Variants in PIK3CA observed in about 807,000 individuals in gnomAD.
PIK3CA encodes the protein phosphatidylinositol-4,5-bisphosphate 3-kinase catalytic subunit alpha, also known as phosphatidylinositol 4,5-bisphosphate 3-kinase catalytic subunit alpha isoform.
A neutral mutation model predicts 138.2 loss-of-function variants in PIK3CA; 27 were observed. The observed-to-expected ratio is 0.20, with a 90% CI of 0.14 to 0.27. The LOEUF (loss-of-function observed/expected upper bound fraction) is 0.27, where lower values mean the gene tolerates loss of function less well. Among genes scored for constraint, PIK3CA ranks in the 10% least tolerant of loss-of-function variants. The pLI is 1.00. For missense variants in PIK3CA, 544 were observed against 1,277.4 expected (o/e 0.43, Z 8.75); for synonymous variants, 358 against 413.2 (o/e 0.87, Z 1.62).
In PIK3CA at chr3:179,221,025, C is replaced by A. The variant is rs2108413342; in HGVS notation, c.2055C>A (p.Gly685=). The A allele has an allele frequency of 6.2e-7, 1 of 1,612,886 alleles. No individual in the cohort carries two copies. Among genetic ancestry groups the A allele is most frequent in the Non-Finnish European group, 8.5e-7 (1 of 1,179,284 alleles). The change falls in exon 14 of 21, where the codon GGC becomes GGA. Residue 685 remains glycine (G), a synonymous_variant. Coordinates refer to ENST00000263967, the MANE Select transcript of PIK3CA (RefSeq NM_006218.4). ...ATAAAACAGTTAGCCAGAGGTTTGGCCTGCTTTTGGAGTCCTATTGTCGTG... is the reference window on the plus strand; with the variant it reads ...ATAAAACAGTTAGCCAGAGGTTTGGACTGCTTTTGGAGTCCTATTGTCGTG... The part of the protein sequence containing the change: ...MHNKTVSQRF[G]LLLESYCRAC...
intron 9 of PIK3CA, among the ~76,000 whole-genome samples, chr3:179,215,034 G>T (rs1439225839): frequency 3.9e-5 from 6 of 152,072 alleles, no homozygotes; most frequent in Non-Finnish European, 7.4e-5. Context: ...CTTTGGCTTT[G>T]TTGGCTATAG....
At chr3:179,194,377 C>T (rs990530963) in intron 1 of PIK3CA, among the ~76,000 whole-genome samples, 1 of 152,116 alleles carries the variant, frequency 6.6e-6, no homozygotes, top group African/African-American at 2.4e-5. Flanking sequence ...GCATGTGCCA[C>T]CACACCTAGC....
chr3:179,150,278 T>C (rs1722983063), intron 1 of PIK3CA, among the ~76,000 whole-genome samples: 1 of 152,104 alleles, frequency 6.6e-6, no homozygotes, highest in South Asian at 2.1e-4. Flanking sequence ...AAAAGTTTCT[T>C]GTGCTTTTTC....
intron 14 of PIK3CA, among the ~76,000 whole-genome samples, chr3:179,222,421 A>G (rs951730482): frequency 6.6e-6 from 1 of 152,162 alleles, no homozygotes; most frequent in East Asian, 1.9e-4. Context: ...AATTTATTGT[A>G]TTTATATATT....
At chr3:179,233,814 C>A (rs1268028988) in intron 20 of PIK3CA, among the ~76,000 whole-genome samples, 1 of 152,084 alleles carries the variant, frequency 6.6e-6, no homozygotes, top group Non-Finnish European at 1.5e-5. Context: ...TAGTATGAAC[C>A]AATTCATACA....
chr3:179,214,690 C>G (rs1367687245), intron 9 of PIK3CA, among the ~76,000 whole-genome samples: 1 of 151,958 alleles, frequency 6.6e-6, no homozygotes, highest in Non-Finnish European at 1.5e-5. Context: ...CACCACAAAC[C>G]TTCAGTTTGT....
At position 179,230,507 on chromosome 3, in the gene PIK3CA, C is replaced by T. The variant is rs1476721823; in HGVS notation, c.2936+131C>T. On this transcript the variant is annotated intron_variant, in intron 20 of 20. Coordinates refer to ENST00000263967, the MANE Select transcript of PIK3CA (RefSeq NM_006218.4). This position sits in a 1 kb window ranked among gnomAD's most constrained non-coding sequence, Gnocchi z 5.4. Reference sequence around the variant, plus strand: ...TGGTGGTTCATGCCTGTAATCCCAACTCTTTGGGAGGCCGAGGCTGGAGGA... The same window carrying T: ...TGGTGGTTCATGCCTGTAATCCCAATTCTTTGGGAGGCCGAGGCTGGAGGA... 6.7e-6 allele frequency: 5 copies of T among 741,970 alleles called. No homozygotes were observed. Among genetic ancestry groups the T allele is most frequent in the Non-Finnish European group, 8.6e-6 (4 of 463,670 alleles). 46.0% of individuals were successfully genotyped at this position (741,970 alleles called of 1,614,324 possible).
At chr3:179,213,255 T>C (rs953455148) in intron 9 of PIK3CA, among the ~76,000 whole-genome samples, 5 of 152,174 alleles carry the variant, frequency 3.3e-5, no homozygotes, top group African/African-American at 9.7e-5. Context: ...GAAATCACAA[T>C]AGAGTCACAA....
chr3:179,178,122 T>G (rs1487716548), intron 1 of PIK3CA, among the ~76,000 whole-genome samples: 18 of 88,824 alleles, frequency 2.0e-4, no homozygotes, highest in Admixed American at 1.6e-3. Flanking sequence ...TTTTTGTGTT[T>G]TTTTTTTTTT....
chr3:179,163,963 C>G lies in PIK3CA; in HGVS notation c.-77+15360C>G, dbSNP rs1723350719. Among the ~76,000 whole-genome samples the G allele has an allele frequency of 2.0e-5, 3 of 152,102 alleles. No homozygotes were observed. In the South Asian group the frequency reaches 6.2e-4, roughly 32 times the overall value. On this transcript the variant is annotated intron_variant, in intron 1 of 20. Coordinates refer to ENST00000263967, the MANE Select transcript of PIK3CA (RefSeq NM_006218.4). ...CTTTAAAATCAACATACAGTTTGAC[C>G]CAATAATTCTCTTTGCAGCATTAGA...
intron 9 of PIK3CA, among the ~76,000 whole-genome samples, chr3:179,213,254 A>G (rs1724760902): frequency 6.6e-6 from 1 of 152,190 alleles, no homozygotes; most frequent in African/African-American, 2.4e-5. Flanking sequence ...AGAAATCACA[A>G]TAGAGTCACA....
chr3:179,150,013 G>GT (rs138116887), intron 1 of PIK3CA, among the ~76,000 whole-genome samples: 16,373 of 149,760 alleles, frequency 0.11, 1,423 homozygotes, highest in African/African-American at 0.24. Flanking sequence ...TAAGTTTTTG[G>GT]TGTTTTTTTT....
At chr3:179,150,066 G>A (rs1294769130) in intron 1 of PIK3CA, among the ~76,000 whole-genome samples, 1 of 150,156 alleles carries the variant, frequency 6.7e-6, no homozygotes, top group African/African-American at 2.5e-5. Flanking sequence ...TGACAGCATA[G>A]ATCTCCATCT....
At chr3:179,185,069 C>G (rs1723942897) in intron 1 of PIK3CA, among the ~76,000 whole-genome samples, 1 of 152,084 alleles carries the variant, frequency 6.6e-6, no homozygotes, top group African/African-American at 2.4e-5. Context: ...CAACTGTTTT[C>G]CAAGAAGTTA....
At chr3:179,175,816 A>G (rs1413635270) in intron 1 of PIK3CA, among the ~76,000 whole-genome samples, 1 of 150,578 alleles carries the variant, frequency 6.6e-6, no homozygotes, top group Non-Finnish European at 1.5e-5. Context: ...CTGTCCCATC[A>G]TTCTCTGTTT....
At position 179,219,654 on chromosome 3, in the gene PIK3CA, G is replaced by A. The variant is rs2108410930; in HGVS notation, c.1830G>A (p.Met610Ile). 1 of 1,611,362 alleles carries A rather than the reference G, an allele frequency of 6.2e-7. No individual in the cohort carries two copies. The highest frequency in any genetic ancestry group is 1.7e-4 in the Middle Eastern group (1 of 6,044). Reference protein sequence around the residue: ...ELLDCNYPDPMVRGFAVRCLE... With the variant: ...ELLDCNYPDPIVRGFAVRCLE... The stretch of plus-strand genomic sequence containing the variant: ...TGGACTGTAATTACCCAGATCCTAT[G>A]GTTCGAGGTTTTGCTGTTCGGTGCT... Residue 610 changes from methionine (M) to isoleucine (I), a missense_variant, in exon 12 of 21, where the codon ATG becomes ATA. Coordinates refer to ENST00000263967, the MANE Select transcript of PIK3CA (RefSeq NM_006218.4). The surrounding 1 kb of genome is among the most constrained non-coding windows in gnomAD (Gnocchi z 4.2).
At chr3:179,172,261 T>TG (rs1723578050) in intron 1 of PIK3CA, among the ~76,000 whole-genome samples, 3 of 151,818 alleles carry the variant, frequency 2.0e-5, no homozygotes, top group Non-Finnish European at 4.4e-5. Context: ...AGAATGTCTG[T>TG]GAAAAAAAAA....
chr3:179,166,855 A>G (rs1002050792), intron 1 of PIK3CA, among the ~76,000 whole-genome samples: 2 of 152,128 alleles, frequency 1.3e-5, no homozygotes, highest in African/African-American at 4.8e-5. Context: ...CCAGTATGCC[A>G]TAGGATACAT....
In PIK3CA at chr3:179,201,441, A is replaced by C. The variant is rs1362905343; in HGVS notation, c.714A>C (p.Gln238His). 6.2e-7 allele frequency: 1 copy of C among 1,613,694 alleles called. No individual in the cohort carries two copies. The highest frequency in any genetic ancestry group is 2.2e-5 in the East Asian group (1 of 44,822). Residue 238 changes from glutamine (Q) to histidine (H), a missense_variant, in exon 4 of 21, where the codon CAA becomes CAC. Gln to His is a conservative substitution (Grantham distance 24, BLOSUM62 0). Around this residue, in one of 14 missense-constraint regions of PIK3CA, gnomAD observed 234 missense variants for 401.3 expected, o/e 0.58. Transcript: ENST00000263967. ...GAAGTATGTTGCTATCCTCTGAACA[A>C]CTAAAACTCTGTGTTTTAGAATATC... ...KTRSMLLSSE[Q>H]LKLCVLEYQG...
Sources: allele counts gnomAD v4.1 joint callset (sites outside exome capture counted in the v4.1 genomes callset), GRCh38; gene constraint gnomAD v4.1.1; regional missense constraint gnomAD v4.1.1; non-coding constraint Gnocchi (gnomAD v3.1); transcripts MANE v1.5; gene names NCBI Gene and HGNC (gene_info 2026-07-23, HGNC 2026-07-21).